The following DCLK2 variants were observed in gnomAD, a reference collection of about 807,000 sequenced individuals.
The protein encoded by DCLK2 is doublecortin like kinase 2.
DCLK2 carries 31 observed loss-of-function variants against 78.4 expected under a neutral mutation model. The observed-to-expected ratio is 0.40, with a 90% CI of 0.30 to 0.53. The LOEUF (loss-of-function observed/expected upper bound fraction) is 0.53, where lower values mean the gene tolerates loss of function less well. DCLK2 is among the 20% of genes least tolerant of loss of function. DCLK2 has a pLI of 0.61. For synonymous variants in DCLK2, 407 were observed against 374.9 expected (o/e 1.09, Z -0.99); for missense variants, 872 against 973.7 (o/e 0.90, Z 1.39).
chr4:150,232,746 T>C lies in DCLK2; in HGVS notation c.1484T>C (p.Met495Thr), dbSNP rs757498459. ...TACACTGAGAGAGATGGCAGTGCCA[T>C]GGTGTACAACTTAGCCAATGCCCTC... ...TKYTERDGSA[M>T]VYNLANALRY... Residue 495 changes from methionine (M) to threonine (T), a missense_variant, in exon 10 of 16, where the codon ATG (methionine) becomes ACG (threonine). Met to Thr is a moderately conservative substitution (Grantham distance 81). This residue lies in a region of DCLK2 where 86 missense variants were observed against 150.3 expected (regional missense o/e 0.57). Coordinates refer to ENST00000296550, the MANE Select transcript of DCLK2 (RefSeq NM_001040260.4). 9 of 1,613,996 alleles carry C rather than the reference T, an allele frequency of 5.6e-6. No individual in the cohort carries two copies. The highest frequency in any genetic ancestry group is 3.3e-5 in the Admixed American group (2 of 60,002).
chr4:150,221,911 CTT>C, intron 7 of DCLK2, 126 bp downstream of exon 7: 1 of 559,462 alleles, frequency 1.8e-6, no homozygotes. Context: ...TGGAAAGTCT[CTT>C]TCATTTTCCC....
intron 1 of DCLK2, among the ~76,000 whole-genome samples, chr4:150,080,064 A>G (rs1729131103): frequency 6.6e-6 from 1 of 150,980 alleles, no homozygotes; most frequent in African/African-American, 2.4e-5. Flanking sequence ...TATCCTGATT[A>G]AATTGGTTGG....
At chr4:150,180,655 G>A (rs903709194) in intron 2 of DCLK2, among the ~76,000 whole-genome samples, 1 of 152,146 alleles carries the variant, frequency 6.6e-6, no homozygotes, top group African/African-American at 2.4e-5. Context: ...ATACCCCAAA[G>A]TGAAGGCATC....
At chr4:150,231,700 A>C (rs1253401839) in intron 8 of DCLK2, among the ~76,000 whole-genome samples, 1 of 152,228 alleles carries the variant, frequency 6.6e-6, no homozygotes, top group Non-Finnish European at 1.5e-5. Flanking sequence ...GAGTGATTAG[A>C]GCTAAAATGA....
At chr4:150,201,599 G>T (rs937515209) in intron 4 of DCLK2, among the ~76,000 whole-genome samples, 10 of 152,150 alleles carry the variant, frequency 6.6e-5, no homozygotes, top group Admixed American at 3.3e-4. Flanking sequence ...AACTAGGCCT[G>T]GGCAGGGGAT....
At chr4:150,168,271 C>T (rs578235872) in intron 2 of DCLK2, among the ~76,000 whole-genome samples, 1 of 151,424 alleles carries the variant, frequency 6.6e-6, no homozygotes, top group African/African-American at 2.4e-5. Context: ...TAAGTAAACC[C>T]GGCAGGCAGA....
chr4:150,151,682 T>C (rs921473440), intron 2 of DCLK2, among the ~76,000 whole-genome samples: 1 of 152,102 alleles, frequency 6.6e-6, no homozygotes. Context: ...CCCAGCACTT[T>C]GGGAGGCCAA....
chr4:150,212,982 A>G (rs767210717), intron 5 of DCLK2, among the ~76,000 whole-genome samples: 1 of 152,208 alleles, frequency 6.6e-6, no homozygotes, highest in Non-Finnish European at 1.5e-5. Context: ...TCACCCTGGC[A>G]TCCTAGAAAT....
At chr4:150,111,226 C>T (rs1731671904) in intron 2 of DCLK2, among the ~76,000 whole-genome samples, 2 of 152,004 alleles carry the variant, frequency 1.3e-5, no homozygotes, top group African/African-American at 4.8e-5. Flanking sequence ...ATTTGCATTT[C>T]CCAGATGATT....
At chr4:150,212,938 A>T (rs1043028791) in intron 5 of DCLK2, among the ~76,000 whole-genome samples, 1 of 152,186 alleles carries the variant, frequency 6.6e-6, no homozygotes, top group Non-Finnish European at 1.5e-5. Flanking sequence ...AGTAGCCTCC[A>T]TAGTTATAAC....
intron 2 of DCLK2, among the ~76,000 whole-genome samples, chr4:150,108,068 A>G (rs1000896950): frequency 2.0e-5 from 3 of 152,186 alleles, no homozygotes; most frequent in Non-Finnish European, 4.4e-5. Flanking sequence ...ATTTTCTAAA[A>G]ACAAAATATA....
chr4:150,190,317 G>A (rs989543328), intron 2 of DCLK2, among the ~76,000 whole-genome samples: 3 of 151,832 alleles, frequency 2.0e-5, no homozygotes, highest in African/African-American at 2.4e-5. Flanking sequence ...ACAGACAGAC[G>A]GACGGATAGA....
chr4:150,191,370 C>T (rs1738438674), intron 2 of DCLK2, among the ~76,000 whole-genome samples: 1 of 151,810 alleles, frequency 6.6e-6, no homozygotes, highest in South Asian at 2.1e-4. Flanking sequence ...TGACAGATTC[C>T]AGGGAGTGGT....
intron 12 of DCLK2, among the ~76,000 whole-genome samples, chr4:150,243,912 C>T (rs911799346): frequency 6.7e-6 from 1 of 149,610 alleles, no homozygotes; most frequent in Non-Finnish European, 1.5e-5. Flanking sequence ...CTTTGTTGCC[C>T]AGTCTGTAAA....
intron 2 of DCLK2, among the ~76,000 whole-genome samples, chr4:150,139,086 T>C (rs1733925579): frequency 1.3e-5 from 2 of 152,168 alleles, no homozygotes; most frequent in African/African-American, 4.8e-5. Context: ...TTGTCCAGGC[T>C]GGTATCAAAC....
At chr4:150,157,537 G>A (rs1167099268) in intron 2 of DCLK2, among the ~76,000 whole-genome samples, 1 of 146,328 alleles carries the variant, frequency 6.8e-6, no homozygotes, top group East Asian at 2.0e-4. Context: ...TTTTGAGCTG[G>A]AGTCTCTCTC....
In DCLK2 at chr4:150,197,985, C is replaced by A; in HGVS notation, c.860-17C>A. On this transcript the variant is annotated splice_polypyrimidine_tract_variant and intron_variant, in intron 3 of 15. Transcript: ENST00000296550. ...ATTAAAACCAGATTTAGTTAATGCA[C>A]TTTTGTTCTTTTCTAGAATGTCGTG... is the stretch of plus-strand genomic sequence containing the variant. 1 of 1,599,596 alleles carries A rather than the reference C, an allele frequency of 6.3e-7. No individual in the cohort carries two copies. The highest frequency in any genetic ancestry group is 8.5e-7 in the Non-Finnish European group (1 of 1,174,306).
intron 2 of DCLK2, among the ~76,000 whole-genome samples, chr4:150,150,880 C>G (rs753628487): frequency 1.3e-5 from 2 of 152,234 alleles, no homozygotes; most frequent in East Asian, 3.8e-4. Context: ...TAAAGGAGGG[C>G]AGCACTGAAA....
chr4:150,197,287 CAAG>C (rs1275463356), intron 3 of DCLK2, among the ~76,000 whole-genome samples: 1 of 152,112 alleles, frequency 6.6e-6, no homozygotes, highest in African/African-American at 2.4e-5. Context: ...ATAAGGCAGT[CAAG>C]AAGTTGGAGA....
Sources: allele counts gnomAD v4.1 joint callset (sites outside exome capture counted in the v4.1 genomes callset), GRCh38; gene constraint gnomAD v4.1.1; regional missense constraint gnomAD v4.1.1; transcripts MANE v1.5; gene names NCBI Gene and HGNC (gene_info 2026-07-23, HGNC 2026-07-21).